CNTLN: variants seen among roughly 807,000 people sequenced by gnomAD.
The protein encoded by CNTLN is centlein, centrosomal protein.
In CNTLN, 212 loss-of-function variants were observed where a neutral mutation model predicts 180.0. The observed-to-expected ratio is 1.18, with a 90% CI of 1.05 to 1.32. CNTLN has a LOEUF of 1.32. Ranked by LOEUF, CNTLN falls within the 40% of genes most tolerant of loss-of-function variation. CNTLN has a pLI of 0.00. For synonymous variants in CNTLN, 722 were observed against 563.1 expected (o/e 1.28, Z -3.99); for missense variants, 2,095 against 1,610.9 (o/e 1.30, Z -5.14).
At chr9:17,185,601 A>G (rs1203451776) in intron 2 of CNTLN, among the ~76,000 whole-genome samples, 2 of 152,028 alleles carry the variant, frequency 1.3e-5, no homozygotes, top group Non-Finnish European at 2.9e-5. Flanking sequence ...TTTGTGAATG[A>G]CGGGTGGGAT....
intron 2 of CNTLN, among the ~76,000 whole-genome samples, chr9:17,174,341 C>G (rs61327660): frequency 6.6e-6 from 1 of 152,048 alleles, no homozygotes; most frequent in Non-Finnish European, 1.5e-5. Context: ...TTTTATTTAT[C>G]TGGGATAAAT....
In CNTLN at chr9:17,367,007, A is replaced by C. The variant is rs568376786; in HGVS notation, c.1987+290A>C. Among the ~76,000 whole-genome samples, 12 of 152,296 alleles carry C rather than the reference A, an allele frequency of 7.9e-5. No homozygotes were observed. In the East Asian group the frequency reaches 9.7e-4, roughly 12 times the overall value. ...AATTTAAGAACTACCTACACACACA[A>C]AAAAAACACCTACATAAGAATCAGA... On this transcript the variant is annotated intron_variant, in intron 13 of 25. Transcript: ENST00000380647.
the CNTLN span, among the ~76,000 whole-genome samples, chr9:17,517,413 TTAAAAA>T: frequency 1.3e-5 from 2 of 148,686 alleles, no homozygotes; most frequent in South Asian, 2.1e-4. Context: ...AAAAAAAAAG[TTAAAAA>T]TAAATAAAAA....
intron 18 of CNTLN, among the ~76,000 whole-genome samples, chr9:17,456,052 T>C (rs536159741): frequency 1.3e-5 from 2 of 152,096 alleles, no homozygotes; most frequent in African/African-American, 4.8e-5. Flanking sequence ...GTTGTAATAA[T>C]CTTAATGAGA....
At chr9:17,376,206 C>T (rs1174496585) in intron 13 of CNTLN, among the ~76,000 whole-genome samples, 2 of 152,156 alleles carry the variant, frequency 1.3e-5, no homozygotes, top group African/African-American at 4.8e-5. Context: ...CTTCCCGTCT[C>T]TTTCAGTGGA....
chr9:17,232,691 A>C (rs1280923709), intron 3 of CNTLN, among the ~76,000 whole-genome samples: 2 of 152,018 alleles, frequency 1.3e-5, no homozygotes, highest in Non-Finnish European at 2.9e-5. Context: ...AACACTTAAC[A>C]GTCTAGTTTG....
rs1831634825 is a variant in CNTLN, at chr9:17,464,540, A to T, written c.3448A>T (p.Ile1150Leu). The T allele has an allele frequency of 6.5e-7, 1 of 1,529,512 alleles. No homozygotes were observed. The highest frequency in any genetic ancestry group is 1.5e-5 in the African/African-American group (1 of 68,776). The allele number at this position is 1,529,512 out of a possible 1,614,324, so 94.7% of individuals were successfully genotyped here. The change falls in exon 21 of 26, where the codon ATA becomes TTA. Residue 1150 changes from isoleucine (I) to leucine (L), a missense_variant. By Grantham distance (5) the Ile-to-Leu change is conservative (BLOSUM62 2). Transcript: ENST00000380647. ...ERDITMKRHL[I>L]EDLKFRQKVN... ...GGATATAACTATGAAAAGACATTTG[A>T]TAGAGGACTTGAAATTTCGACAGAA...
intron 8 of CNTLN, among the ~76,000 whole-genome samples, chr9:17,325,179 C>G (rs1424476846): frequency 2.0e-5 from 3 of 148,668 alleles, no homozygotes; most frequent in Admixed American, 6.7e-5. Context: ...TATTCTTTTT[C>G]TTTTTCTTTT....
chr9:17,456,471 T>G (rs1831121782), intron 18 of CNTLN, among the ~76,000 whole-genome samples: 1 of 152,202 alleles, frequency 6.6e-6, no homozygotes, highest in African/African-American at 2.4e-5. Flanking sequence ...ATATTCATAT[T>G]TAATAATATG....
intron 6 of CNTLN, among the ~76,000 whole-genome samples, chr9:17,292,038 T>C (rs926254650): frequency 2.0e-5 from 3 of 152,228 alleles, no homozygotes; most frequent in Non-Finnish European, 4.4e-5. Context: ...AAAAGTATTT[T>C]ATTTTTCCTT....
chr9:17,143,178 T>C, intron 1 of CNTLN, 110 bp from the exon 2 acceptor site: 1 of 714,338 alleles, frequency 1.4e-6, no homozygotes. Flanking sequence ...TTGATGTAGT[T>C]ATACAACTAG....
chr9:17,399,654 T>A (rs1826813895), intron 15 of CNTLN, among the ~76,000 whole-genome samples: 1 of 152,100 alleles, frequency 6.6e-6, no homozygotes, highest in Non-Finnish European at 1.5e-5. Context: ...TGTAAACAGA[T>A]GATAACAACT....
intron 25 of CNTLN, among the ~76,000 whole-genome samples, chr9:17,498,968 G>A (rs924212712): frequency 1.3e-5 from 2 of 152,046 alleles, no homozygotes; most frequent in African/African-American, 4.8e-5. Context: ...CTTCCAGAAT[G>A]CATATAAAGA....
intron 5 of CNTLN, among the ~76,000 whole-genome samples, chr9:17,265,379 T>G (rs1470787023): frequency 2.0e-5 from 3 of 152,178 alleles, no homozygotes; most frequent in Non-Finnish European, 4.4e-5. Flanking sequence ...CCTTGCATTC[T>G]AGGGATGAAG....
At chr9:17,215,768 A>G (rs1357142537) in intron 2 of CNTLN, among the ~76,000 whole-genome samples, 2 of 152,078 alleles carry the variant, frequency 1.3e-5, no homozygotes, top group Non-Finnish European at 2.9e-5. Flanking sequence ...CCCCTTCTCC[A>G]GCCTCGCTGC....
Position 17,399,425 on chromosome 9 carries a change from G to A in CNTLN, c.2615+4356G>A, listed in dbSNP as rs574800965. Among the ~76,000 whole-genome samples, 13 of 152,254 alleles carry A rather than the reference G, an allele frequency of 8.5e-5. No individual in the cohort carries two copies. The South Asian group carries it at 1.2e-3, about 15-fold the overall frequency. On this transcript the variant is annotated intron_variant, in intron 15 of 25. Transcript: ENST00000380647. ...ACAACATAAACTTCCATGATTCTATGTATTTAGCCTGTCTGACTTCATGTC... is the reference window on the plus strand; with the variant it reads ...ACAACATAAACTTCCATGATTCTATATATTTAGCCTGTCTGACTTCATGTC...
chr9:17,366,576 AAC>A (rs772108480), intron 12 of CNTLN, 39 bp from the exon 13 acceptor site: 1 of 985,064 alleles, frequency 1.0e-6, no homozygotes, highest in Non-Finnish European at 1.6e-6. Flanking sequence ...TTTTAAATAA[AAC>A]AATATGGTTT....
chr9:17,501,106 C>T (rs1174146285), intron 25 of CNTLN, among the ~76,000 whole-genome samples: 1 of 152,120 alleles, frequency 6.6e-6, no homozygotes, highest in Non-Finnish European at 1.5e-5. Flanking sequence ...TAGGTTTTTC[C>T]CCCTAGAAAA....
At chr9:17,415,606 G>C (rs1828161859) in intron 16 of CNTLN, among the ~76,000 whole-genome samples, 182 bp from the exon 17 acceptor site, 1 of 151,872 alleles carries the variant, frequency 6.6e-6, no homozygotes, top group African/African-American at 2.4e-5. Context: ...GTCTTGCTCT[G>C]TTGCCCAGGC....
Sources: allele counts gnomAD v4.1 joint callset (sites outside exome capture counted in the v4.1 genomes callset), GRCh38; gene constraint gnomAD v4.1.1; transcripts MANE v1.5; gene names NCBI Gene and HGNC (gene_info 2026-07-23, HGNC 2026-07-21).